The following RBL2 variants were observed in gnomAD, a reference collection of about 807,000 sequenced individuals.
RBL2 encodes retinoblastoma-like protein 2.
Under a neutral mutation model 126.0 loss-of-function variants are expected in RBL2, and 56 were observed. The ratio of observed to expected loss-of-function variants is 0.44; its 90% CI spans 0.36 to 0.56. The LOEUF (loss-of-function observed/expected upper bound fraction) is 0.56, where lower values mean the gene tolerates loss of function less well. RBL2 is among the 20% of genes least tolerant of loss of function. The pLI is 0.00. For synonymous variants in RBL2, 454 were observed against 478.5 expected (o/e 0.95, Z 0.67); for missense variants, 1,229 against 1,398.2 (o/e 0.88, Z 1.93).
chr16:53,447,225 T>G, intron 4 of RBL2, 119 bp downstream of exon 4: 2 of 517,064 alleles, frequency 3.9e-6, no homozygotes, highest in Middle Eastern at 1.0e-3. Flanking sequence ...TTCTCAAGGG[T>G]TTTAATCCTA....
At chr16:53,462,994 C>T (rs1332124819) in intron 11 of RBL2, among the ~76,000 whole-genome samples, 1 of 152,104 alleles carries the variant, frequency 6.6e-6, no homozygotes, top group Non-Finnish European at 1.5e-5. Flanking sequence ...GCATGTGCCA[C>T]CATGCCCAGC....
At chr16:53,481,341 A>ACCAGTTAAGTACTG (rs1960938487) in intron 20 of RBL2, 1 of 241,232 alleles carries the variant, frequency 4.1e-6, no homozygotes, top group African/African-American at 2.3e-5. Flanking sequence ...AGTACTTAAC[A>ACCAGTTAAGTACTG]GTGGTGGTAA....
chr16:53,444,422 G>A (rs1322022785), intron 3 of RBL2, among the ~76,000 whole-genome samples: 1 of 151,872 alleles, frequency 6.6e-6, no homozygotes, highest in Non-Finnish European at 1.5e-5. Context: ...GTGTGGTGGT[G>A]GGTGCCTGTA....
intron 11 of RBL2, among the ~76,000 whole-genome samples, chr16:53,462,909 C>T (rs900943126): frequency 1.3e-5 from 2 of 152,304 alleles, no homozygotes; most frequent in South Asian, 2.1e-4. Flanking sequence ...GGCACGATCT[C>T]GGCTCAATGC....
At chr16:53,478,166 C>T (rs1468676254) in intron 17 of RBL2, among the ~76,000 whole-genome samples, 1 of 152,106 alleles carries the variant, frequency 6.6e-6, no homozygotes, top group Non-Finnish European at 1.5e-5. Context: ...CCACTGCCTC[C>T]TGGCCTCTGT....
intron 17 of RBL2, among the ~76,000 whole-genome samples, chr16:53,477,116 A>G (rs1960753815): frequency 6.6e-6 from 1 of 151,868 alleles, no homozygotes; most frequent in South Asian, 2.1e-4. Context: ...TATATCTCTT[A>G]TCAAAAATCA....
chr16:53,459,354 G>A, intron 8 of RBL2, 97 bp from the exon 9 acceptor site: 2 of 945,544 alleles, frequency 2.1e-6, no homozygotes, highest in Non-Finnish European at 3.2e-6. Flanking sequence ...TTACTGGCTT[G>A]AAGTCCCATT....
intron 11 of RBL2, 151 bp downstream of exon 11, chr16:53,462,806 A>G: frequency 1.7e-6 from 1 of 574,966 alleles, no homozygotes; most frequent in Non-Finnish European, 3.0e-6. Flanking sequence ...TTTTTTCACT[A>G]GTTGCCTGTG....
rs1320946120 is a variant in RBL2, at chr16:53,482,952, A to G, written c.3249+1117A>G. On this transcript the variant is annotated intron_variant, in intron 21 of 21. Coordinates refer to ENST00000262133, the MANE Select transcript of RBL2 (RefSeq NM_005611.4). ...GAGACACGACATCCAAATGCAATGC[A>G]TGATTTTTGATCCTGCATAGGAAAA... 2.0e-5 allele frequency among the ~76,000 whole-genome samples: 3 copies of G among 152,212 alleles called. No homozygotes were observed. The South Asian group carries it at 6.2e-4, about 31-fold the overall frequency.
chr16:53,434,618 C>G lies in RBL2; in HGVS notation c.62C>G (p.Ser21Trp), dbSNP rs943649061. The G allele has an allele frequency of 6.4e-6, 10 of 1,555,336 alleles. No individual in the cohort carries two copies. Among genetic ancestry groups the G allele is most frequent in the Non-Finnish European group, 7.8e-6 (9 of 1,160,008 alleles). Reference sequence around the variant, plus strand: ...CCTCCCCCTCCGGCGGCGGCAGCCTCGGATGAGGAGGAGGAGGACGACGGC... The same window carrying G: ...CCTCCCCCTCCGGCGGCGGCAGCCTGGGATGAGGAGGAGGAGGACGACGGC... ...PPPPPPAAAA[S>W]DEEEEDDGEA... is the part of the protein sequence containing the mutation. Residue 21 changes from serine (S) to tryptophan (W), a missense_variant, in exon 1 of 22, where the codon TCG becomes TGG. By Grantham distance (177) the Ser-to-Trp change is radical (BLOSUM62 -3). Coordinates refer to ENST00000262133, the MANE Select transcript of RBL2 (RefSeq NM_005611.4).
chr16:53,481,543 T>C (rs556956449), intron 20 of RBL2, 128 bp from the exon 21 acceptor site: 12 of 840,286 alleles, frequency 1.4e-5, no homozygotes, highest in South Asian at 6.3e-5. Flanking sequence ...GGTTAAGTTA[T>C]TGCTAATACA....
chr16:53,452,364 A>G (rs2058123991), intron 5 of RBL2, among the ~76,000 whole-genome samples: 1 of 152,256 alleles, frequency 6.6e-6, no homozygotes, highest in South Asian at 2.1e-4. Flanking sequence ...AGCCCAAATT[A>G]TGATTTACAA....
intron 18 of RBL2, 85 bp downstream of exon 18, chr16:53,479,310 C>A: frequency 7.9e-7 from 1 of 1,261,860 alleles, no homozygotes; most frequent in Non-Finnish European, 1.1e-6. Context: ...GACTCTGTGG[C>A]CTTTTTTCCA....
At position 53,434,515 on chromosome 16, in the gene RBL2, G is replaced by A. The variant is rs1217453790; in HGVS notation, c.-42G>A. ...CGCCGTTTGAATGGCTGCGGGCCCG[G>A]GCCCTCACCTCACCTGAGGTCCGGC... is the stretch of plus-strand genomic sequence containing the variant. On this transcript the variant is annotated 5_prime_UTR_variant, in exon 1 of 22. Transcript: ENST00000262133. 8.0e-6 allele frequency: 11 copies of A among 1,382,292 alleles called. No individual in the cohort carries two copies. The South Asian group carries it at 1.2e-4, about 15-fold the overall frequency. The allele number at this position is 1,382,292 out of a possible 1,614,324, so 85.6% of individuals were successfully genotyped here.
chr16:53,485,837 C>A (rs1961145463), intron 21 of RBL2, among the ~76,000 whole-genome samples: 1 of 151,084 alleles, frequency 6.6e-6, no homozygotes, highest in African/African-American at 2.4e-5. Context: ...GCCTGAGTGA[C>A]AGAATGAGAC....
Position 53,453,686 on chromosome 16 carries a change from A to C in RBL2, c.928-19A>C. On this transcript the variant is annotated intron_variant, in intron 6 of 21. Transcript: ENST00000262133. ...CTTGATTTAACATGACGACTTAAGG[A>C]TCTCTTCTTTCATCATAGCTCCTTA... 6.2e-7 allele frequency: 1 copy of C among 1,606,528 alleles called. No homozygotes were observed. The highest frequency in any genetic ancestry group is 8.5e-7 in the Non-Finnish European group (1 of 1,176,982).
At chr16:53,436,518 G>A (rs924499779) in intron 1 of RBL2, among the ~76,000 whole-genome samples, 2 of 152,168 alleles carry the variant, frequency 1.3e-5, no homozygotes, top group African/African-American at 4.8e-5. Flanking sequence ...ATTGTTCTAG[G>A]TGCTGGATAT....
chr16:53,439,970 A>G (rs2057998895), intron 2 of RBL2, among the ~76,000 whole-genome samples: 1 of 150,722 alleles, frequency 6.6e-6, no homozygotes, highest in South Asian at 2.1e-4. Context: ...AAAAAAAAAA[A>G]AAAAAAAAGA....
intron 2 of RBL2, among the ~76,000 whole-genome samples, chr16:53,441,714 A>T (rs370596444): frequency 5.3e-5 from 8 of 152,128 alleles, no homozygotes; most frequent in Admixed American, 1.3e-4. Flanking sequence ...GTGTGAAAAC[A>T]TAGGAAGGAT....
Sources: gnomAD v4.1 joint callset for allele counts (sites outside exome capture counted in the v4.1 genomes callset) on GRCh38, gnomAD v4.1.1 for gene constraint, MANE v1.5 for transcripts, NCBI Gene and HGNC (gene_info 2026-07-23, HGNC 2026-07-21) for gene names.